Variants in MAP3K2 observed in about 807,000 individuals in gnomAD.
MAP3K2 encodes the protein MAP/ERK kinase kinase 2.
MAP3K2 carries 24 observed loss-of-function variants against 80.3 expected under a neutral mutation model. That is an observed-to-expected ratio of 0.30 (90% CI 0.22 to 0.42). The LOEUF (loss-of-function observed/expected upper bound fraction) is 0.42. Among genes scored for constraint, MAP3K2 ranks in the 10% least tolerant of loss-of-function variants. MAP3K2 has a pLI of 1.00. For missense variants in MAP3K2, 608 were observed against 750.1 expected (o/e 0.81, Z 2.21); for synonymous variants, 244 against 253.7 (o/e 0.96, Z 0.36).
At position 127,314,842 on chromosome 2, in the gene MAP3K2, A is replaced by G. The variant is rs1685870931; in HGVS notation, c.1368T>C (p.Thr456=). The G allele has an allele frequency of 5.6e-6, 9 of 1,611,168 alleles. No individual in the cohort carries two copies. The highest frequency in any genetic ancestry group is 7.6e-6 in the Non-Finnish European group (9 of 1,177,552). Residue 456 remains threonine, a synonymous_variant, in exon 15 of 17, where the codon ACT becomes ACC. Coordinates refer to ENST00000682094, the MANE Select transcript of MAP3K2 (RefSeq NM_001371910.2). ...KDQLKAYGAL[T]ENVTRKYTRQ... is the part of the protein sequence containing the mutation. ...GGGTGTATTTCCTAGTCACATTCTC[A>G]GTAAGAGCGCCATATGCTTTTAATT...
At chr2:127,362,617 T>C (rs1414642361) in intron 1 of MAP3K2, among the ~76,000 whole-genome samples, 1 of 152,218 alleles carries the variant, frequency 6.6e-6, no homozygotes, top group Non-Finnish European at 1.5e-5. Context: ...TTGTCCCTGA[T>C]ACTGTTATCA....
At chr2:127,360,741 A>T (rs1214376645) in intron 1 of MAP3K2, among the ~76,000 whole-genome samples, 9 of 152,228 alleles carry the variant, frequency 5.9e-5, no homozygotes, top group African/African-American at 1.9e-4. Flanking sequence ...ATATTACTTA[A>T]ACTGGTGATT....
intron 15 of MAP3K2, among the ~76,000 whole-genome samples, chr2:127,311,923 T>C (rs1685814853): frequency 6.6e-6 from 1 of 152,180 alleles, no homozygotes; most frequent in Non-Finnish European, 1.5e-5. Context: ...AGAAACTAAG[T>C]TGTTTGCCTA....
At chr2:127,365,588 G>A (rs1022941164) in intron 1 of MAP3K2, among the ~76,000 whole-genome samples, 8 of 152,112 alleles carry the variant, frequency 5.3e-5, no homozygotes, top group South Asian at 2.1e-4. Context: ...CAACCCTGCT[G>A]ACCAAACAGC....
intron 1 of MAP3K2, among the ~76,000 whole-genome samples, chr2:127,365,339 A>G (rs1686954689): frequency 6.6e-6 from 1 of 151,984 alleles, no homozygotes; most frequent in Non-Finnish European, 1.5e-5. Flanking sequence ...AAACATCACT[A>G]TGGACTCCCA....
At chr2:127,308,419 T>C (rs1187518837) in intron 16 of MAP3K2, among the ~76,000 whole-genome samples, 166 bp downstream of exon 16, 7 of 152,342 alleles carry the variant, frequency 4.6e-5, no homozygotes, top group African/African-American at 1.7e-4. Context: ...ATTTAGTCAA[T>C]TATAAGCCTC....
intron 7 of MAP3K2, among the ~76,000 whole-genome samples, chr2:127,329,577 G>A (rs1191994849): frequency 1.3e-5 from 2 of 152,056 alleles, no homozygotes; most frequent in African/African-American, 4.8e-5. Flanking sequence ...GGATGGTCTC[G>A]ATCTCTTGAC....
intron 1 of MAP3K2, among the ~76,000 whole-genome samples, chr2:127,358,347 C>G (rs1158189612): frequency 6.6e-6 from 1 of 152,202 alleles, no homozygotes; most frequent in Non-Finnish European, 1.5e-5. Flanking sequence ...TCAAATGGTA[C>G]AACCGCTTTG....
intron 15 of MAP3K2, among the ~76,000 whole-genome samples, chr2:127,311,583 A>AC (rs1230406671): frequency 1.3e-5 from 2 of 152,072 alleles, no homozygotes; most frequent in African/African-American, 4.8e-5. Flanking sequence ...CGCAGCCATC[A>AC]CCCAGCCTCA....
At chr2:127,363,022 A>G (rs116530713) in intron 1 of MAP3K2, among the ~76,000 whole-genome samples, 1 of 152,224 alleles carries the variant, frequency 6.6e-6, no homozygotes, top group African/African-American at 2.4e-5. Context: ...GCCGTGTAAC[A>G]ATAATTTACA....
intron 1 of MAP3K2, among the ~76,000 whole-genome samples, chr2:127,385,340 CA>C (rs1226407366): frequency 2.0e-5 from 3 of 152,218 alleles, no homozygotes; most frequent in Non-Finnish European, 4.4e-5. Flanking sequence ...AAAAAGATTA[CA>C]ATTCCCTAAA....
chr2:127,306,491 G>A lies in MAP3K2; in HGVS notation c.*1088C>T, dbSNP rs972240741. ...TTCACATGATACCTGTTTTTTTGAG[G>A]TGCTTTAGTATTCTGTGATCCTAAG... On this transcript the variant is annotated 3_prime_UTR_variant, in exon 17 of 17. Transcript: ENST00000682094. This position sits in a 1 kb window ranked among gnomAD's most constrained non-coding sequence, Gnocchi z 4.7. 4.6e-5 allele frequency: 7 copies of A among 151,994 alleles called. No homozygotes were observed. Among genetic ancestry groups the A allele is most frequent in the Non-Finnish European group, 8.8e-5 (6 of 67,978 alleles). 9.4% of individuals were successfully genotyped at this position (151,994 alleles called of 1,614,324 possible).
intron 2 of MAP3K2, among the ~76,000 whole-genome samples, chr2:127,341,517 G>GTTT (rs71336233): frequency 8.3e-6 from 1 of 121,208 alleles, no homozygotes; most frequent in African/African-American, 3.3e-5. Context: ...AGTACAATGG[G>GTTT]TTTTTTTTTG....
At chr2:127,346,718 T>C (rs1035435640) in intron 1 of MAP3K2, among the ~76,000 whole-genome samples, 1 of 149,340 alleles carries the variant, frequency 6.7e-6, no homozygotes, top group African/African-American at 2.4e-5. Context: ...GCAGGCACAG[T>C]GGCTCATGCC....
chr2:127,382,275 ATT>A (rs1003933711), intron 1 of MAP3K2, among the ~76,000 whole-genome samples: 1 of 152,230 alleles, frequency 6.6e-6, no homozygotes, highest in Non-Finnish European at 1.5e-5. Context: ...CATGTGACAT[ATT>A]GAGAGGTAAA....
At chr2:127,324,785 A>C (rs1280264428) in intron 9 of MAP3K2, among the ~76,000 whole-genome samples, 1 of 152,238 alleles carries the variant, frequency 6.6e-6, no homozygotes, top group African/African-American at 2.4e-5. Context: ...TATTTTTTTC[A>C]GAATTTGCTT....
chr2:127,375,479 G>C (rs1558991159), intron 1 of MAP3K2, among the ~76,000 whole-genome samples: 1 of 151,510 alleles, frequency 6.6e-6, no homozygotes, highest in Non-Finnish European at 1.5e-5. Flanking sequence ...GTGCGATCTG[G>C]GCTCACTGCA....
chr2:127,311,134 T>C (rs954770406), intron 15 of MAP3K2, among the ~76,000 whole-genome samples: 1 of 152,198 alleles, frequency 6.6e-6, no homozygotes. Context: ...TAGTCAATGA[T>C]GGTTCCCTAA....
At chr2:127,336,086 C>A in intron 4 of MAP3K2, 117 bp from the exon 5 acceptor site, 1 of 604,538 alleles carries the variant, frequency 1.7e-6, no homozygotes, top group Non-Finnish European at 2.9e-6. Context: ...TAAATATTCA[C>A]TTTACTTAAC....
Sources: allele counts gnomAD v4.1 joint callset (sites outside exome capture counted in the v4.1 genomes callset), GRCh38; gene constraint gnomAD v4.1.1; non-coding constraint Gnocchi (gnomAD v3.1); transcripts MANE v1.5; gene names NCBI Gene and HGNC (gene_info 2026-07-23, HGNC 2026-07-21).